Variants in ATP9B observed in about 807,000 individuals in gnomAD.
ATP9B encodes ATPase phospholipid transporting 9B, also known as probable phospholipid-transporting ATPase IIB.
In ATP9B, 110 loss-of-function variants were observed where a neutral mutation model predicts 146.1. The observed-to-expected ratio is 0.75, with a 90% CI of 0.65 to 0.88. The LOEUF (loss-of-function observed/expected upper bound fraction) is 0.88, where lower values mean the gene tolerates loss of function less well. Ranked by LOEUF, ATP9B falls within the 40% of genes least tolerant of loss-of-function variation. The probability of loss-of-function intolerance (pLI) is 0.00; values close to 1 mark genes in which losing one functional copy is unlikely to be tolerated. For missense variants in ATP9B, 1,499 were observed against 1,496.4 expected (o/e 1.00, Z -0.03); for synonymous variants, 604 against 569.7 (o/e 1.06, Z -0.86).
chr18:79,237,334 A>C (rs2095850908), intron 11 of ATP9B, among the ~76,000 whole-genome samples: 1 of 140,042 alleles, frequency 7.1e-6, no homozygotes, highest in Admixed American at 7.2e-5. Flanking sequence ...CTCCTTCCCC[A>C]CTGTGTGCAC....
At position 79,199,500 on chromosome 18, in the gene ATP9B, G is replaced by A. The variant is rs1039758758; in HGVS notation, c.954+6237G>A. 5.9e-5 allele frequency among the ~76,000 whole-genome samples: 9 copies of A among 151,808 alleles called. No homozygotes were observed. In the East Asian group the frequency reaches 1.2e-3, roughly 20 times the overall value. On this transcript the variant is annotated intron_variant, in intron 9 of 29. Coordinates refer to ENST00000426216, the MANE Select transcript of ATP9B (RefSeq NM_198531.5). ...GACACAGCTGGGCGTGGTGGCTCAC[G>A]CCTGTAATCCCAGCAATTTGGGAGG...
At chr18:79,327,460 T>A (rs1484958645) in intron 15 of ATP9B, among the ~76,000 whole-genome samples, 11 of 150,998 alleles carry the variant, frequency 7.3e-5, no homozygotes, top group Admixed American at 4.6e-4. Flanking sequence ...CTCCCCATGG[T>A]TAGCGTGTTC....
rs2094286648 is a variant in ATP9B at position 79,126,355 on chromosome 18, A to G, written c.647A>G (p.Tyr216Cys). Reference protein sequence around the residue: ...QRDKEVNSQLYSKLTVRGKVQ... With the variant: ...QRDKEVNSQLCSKLTVRGKVQ... ...GACAAGGAAGTGAATTCACAACTAT[A>G]TAGCAAGCTTACAGTAAGAGGTCAG... Residue 216 changes from tyrosine (Y) to cysteine (C), a missense_variant, in exon 5 of 30, where the codon TAT becomes TGT. Tyr to Cys is a radical substitution (Grantham distance 194, BLOSUM62 -2). Coordinates refer to ENST00000426216, the MANE Select transcript of ATP9B (RefSeq NM_198531.5). The G allele has an allele frequency of 1.2e-6, 2 of 1,611,012 alleles. No homozygotes were observed. Among genetic ancestry groups the G allele is most frequent in the Non-Finnish European group, 8.5e-7 (1 of 1,178,012 alleles).
intron 13 of ATP9B, among the ~76,000 whole-genome samples, chr18:79,288,902 C>T (rs907027755): frequency 4.6e-5 from 7 of 152,122 alleles, no homozygotes; most frequent in South Asian, 2.1e-4. Context: ...ATGAAATTCT[C>T]GGTTGAAAAT....
intron 25 of ATP9B, among the ~76,000 whole-genome samples, chr18:79,348,937 T>G (rs954228321): frequency 2.0e-5 from 3 of 152,240 alleles, no homozygotes; most frequent in African/African-American, 7.2e-5. Context: ...TGAGCTAAGA[T>G]CGTGCCATTG....
intron 15 of ATP9B, among the ~76,000 whole-genome samples, chr18:79,319,384 G>T (rs1047898009): frequency 6.6e-6 from 1 of 151,878 alleles, no homozygotes; most frequent in Non-Finnish European, 1.5e-5. Context: ...CCTGGCTAAT[G>T]TGAGTGAATA....
chr18:79,302,199 T>C (rs888208191), intron 13 of ATP9B, among the ~76,000 whole-genome samples: 1 of 152,248 alleles, frequency 6.6e-6, no homozygotes, highest in African/African-American at 2.4e-5. Flanking sequence ...TCATTGTTCA[T>C]ACTCAGATTT....
In ATP9B at chr18:79,373,921, C is replaced by G; in HGVS notation, c.3094C>G (p.Leu1032Val). Residue 1032 changes from leucine to valine, a missense_variant, in exon 28 of 30, where the codon CTG becomes GTG. Leu to Val is a conservative substitution (Grantham distance 32, BLOSUM62 1). Transcript: ENST00000426216. ...YQGGILMYGA[L>V]VLFESEFVHV... ...AGGCGGCATCCTCATGTATGGGGCC[C>G]TGGTGCTCTTCGAGTCTGAGTTCGT... 1.9e-6 allele frequency: 3 copies of G among 1,613,160 alleles called. No homozygotes were observed. Among genetic ancestry groups the G allele is most frequent in the Non-Finnish European group, 2.5e-6 (3 of 1,180,022 alleles).
chr18:79,278,390 G>A (rs914194525), intron 13 of ATP9B, among the ~76,000 whole-genome samples: 2 of 152,070 alleles, frequency 1.3e-5, no homozygotes, highest in African/African-American at 2.4e-5. Flanking sequence ...CTTTCAATAC[G>A]GTGTTCAAGA....
intron 1 of ATP9B, among the ~76,000 whole-genome samples, chr18:79,095,955 C>T (rs1048885291): frequency 3.0e-4 from 45 of 152,286 alleles, no homozygotes; most frequent in African/African-American, 9.6e-4. Flanking sequence ...TGGGACATAG[C>T]ATCATTCCCC....
chr18:79,168,451 G>T (rs1259684553), intron 7 of ATP9B, among the ~76,000 whole-genome samples: 3 of 151,788 alleles, frequency 2.0e-5, no homozygotes, highest in African/African-American at 7.3e-5. Flanking sequence ...GAAGTGCTGA[G>T]GTGGAGGGCT....
chr18:79,169,889 G>C (rs73971386), intron 7 of ATP9B, among the ~76,000 whole-genome samples: 3,150 of 152,238 alleles, frequency 0.021, 103 homozygotes, highest in African/African-American at 0.07. Flanking sequence ...TTGAAAGGCT[G>C]TTTACCTATT....
chr18:79,233,596 T>A (rs7232403), intron 11 of ATP9B, among the ~76,000 whole-genome samples: 44,405 of 151,974 alleles, frequency 0.29, 6,746 homozygotes, highest in African/African-American at 0.36. Context: ...ACCCCACACA[T>A]GAGGCCACCC....
At chr18:79,289,077 C>G (rs1423085147) in intron 13 of ATP9B, among the ~76,000 whole-genome samples, 1 of 152,096 alleles carries the variant, frequency 6.6e-6, no homozygotes, top group African/African-American at 2.4e-5. Flanking sequence ...TTTGGTGAAT[C>G]TGACAATTAT....
intron 4 of ATP9B, among the ~76,000 whole-genome samples, chr18:79,123,004 G>GAATGTGTT (rs2094215351): frequency 1.3e-5 from 2 of 152,116 alleles, no homozygotes; most frequent in South Asian, 4.1e-4. Flanking sequence ...ATAAAAGACT[G>GAATGTGTT]AATGTGTTCC....
chr18:79,279,781 A>G (rs779216351), intron 13 of ATP9B, among the ~76,000 whole-genome samples: 10 of 152,234 alleles, frequency 6.6e-5, no homozygotes, highest in South Asian at 2.1e-4. Context: ...ATCTTAGCAT[A>G]ATAAAGAGAT....
intron 9 of ATP9B, among the ~76,000 whole-genome samples, chr18:79,205,401 C>G (rs143440321): frequency 2.1e-4 from 15 of 70,290 alleles, no homozygotes; most frequent in African/African-American, 1.3e-3. Context: ...AGGAAAACAC[C>G]AGTTACATAA....
chr18:79,176,335 G>C (rs1241701586), intron 7 of ATP9B, among the ~76,000 whole-genome samples: 9 of 152,108 alleles, frequency 5.9e-5, no homozygotes, highest in Admixed American at 3.9e-4. Flanking sequence ...AGGCCTGAGA[G>C]CATATGGTAA....
At chr18:79,072,736 G>A (rs1462626083) in intron 1 of ATP9B, among the ~76,000 whole-genome samples, 3 of 87,116 alleles carry the variant, frequency 3.4e-5, no homozygotes, top group African/African-American at 7.7e-5. Context: ...GCTGCTGGGC[G>A]GGGGCGCCCC....
Sources: allele counts gnomAD v4.1 joint callset (sites outside exome capture counted in the v4.1 genomes callset), GRCh38; gene constraint gnomAD v4.1.1; transcripts MANE v1.5; gene names NCBI Gene and HGNC (gene_info 2026-07-23, HGNC 2026-07-21).